The following KAZN variants were observed in gnomAD, a reference collection of about 807,000 sequenced individuals.
The protein encoded by KAZN is kazrin, periplakin interacting protein.
A neutral mutation model predicts 87.4 loss-of-function variants in KAZN; 40 were observed. The ratio of observed to expected loss-of-function variants is 0.46; its 90% CI spans 0.36 to 0.60. KAZN has a LOEUF of 0.60. Ranked by LOEUF, KAZN falls within the 20% of genes least tolerant of loss-of-function variation. The pLI, the probability that KAZN is intolerant of heterozygous loss-of-function variation, is 0.00. For synonymous variants in KAZN, 466 were observed against 458.3 expected, an observed-to-expected ratio of 1.02 and a Z score of -0.22; for missense variants, 898 against 1,073.9, an observed-to-expected ratio of 0.84 and a Z score of 2.29.
intron 1 of KAZN, among the ~76,000 whole-genome samples, chr1:14,859,225 A>AT (rs948192160): frequency 6.6e-6 from 1 of 151,804 alleles, no homozygotes; most frequent in Non-Finnish European, 1.5e-5. Context: ...AAAAAAAAAA[A>AT]GAACTGCAAT....
chr1:14,627,232 C>G (rs1182474595), intron 1 of KAZN, among the ~76,000 whole-genome samples: 2 of 151,826 alleles, frequency 1.3e-5, no homozygotes, highest in Non-Finnish European at 2.9e-5. Context: ...CATGGGATGT[C>G]AGGGGGCCAA....
At chr1:14,171,749 T>C (rs1292592191) in intron 1 of KAZN, among the ~76,000 whole-genome samples, 2 of 152,174 alleles carry the variant, frequency 1.3e-5, no homozygotes, top group Non-Finnish European at 2.9e-5. Flanking sequence ...GGTATATTTT[T>C]CTATAAAAAT....
chr1:14,308,747 G>A (rs1363224657), intron 2 of KAZN, among the ~76,000 whole-genome samples: 4 of 151,564 alleles, frequency 2.6e-5, no homozygotes, highest in South Asian at 4.2e-4. Context: ...GAACTAATAC[G>A]CATAGACTAG....
At chr1:14,451,596 G>GAC (rs1481870796) in intron 2 of KAZN, among the ~76,000 whole-genome samples, 3 of 151,856 alleles carry the variant, frequency 2.0e-5, no homozygotes, top group Non-Finnish European at 2.9e-5. Flanking sequence ...GAGAGAGAGA[G>GAC]AGAGAGAGAG....
intron 8 of KAZN, among the ~76,000 whole-genome samples, chr1:15,084,133 T>C (rs1640138061): frequency 6.6e-6 from 1 of 152,220 alleles, no homozygotes; most frequent in Admixed American, 6.5e-5. Flanking sequence ...AGGGCTGAGC[T>C]GGGGGGAAAG....
chr1:13,990,400 T>A (rs1011419332), intron 1 of KAZN, among the ~76,000 whole-genome samples: 1 of 152,186 alleles, frequency 6.6e-6, no homozygotes, highest in Non-Finnish European at 1.5e-5. Context: ...ATAAACATTA[T>A]GATGAGTGAA....
chr1:14,459,418 A>G (rs1279285877), intron 2 of KAZN, among the ~76,000 whole-genome samples: 1 of 152,104 alleles, frequency 6.6e-6, no homozygotes, highest in Non-Finnish European at 1.5e-5. Context: ...GGGAAAAAAA[A>G]AAGGCAGCTC....
At chr1:15,049,581 A>T (rs1674078949) in intron 4 of KAZN, among the ~76,000 whole-genome samples, 1 of 152,132 alleles carries the variant, frequency 6.6e-6, no homozygotes, top group African/African-American at 2.4e-5. Flanking sequence ...ATCAAGTAGG[A>T]CATTTTGCAA....
At chr1:14,424,187 A>T (rs1252982473) in intron 2 of KAZN, among the ~76,000 whole-genome samples, 6 of 152,208 alleles carry the variant, frequency 3.9e-5, no homozygotes, top group Non-Finnish European at 8.8e-5. Flanking sequence ...GAGAATGAGG[A>T]TACACACCTC....
At chr1:14,503,767 T>G (rs1021109560) in intron 2 of KAZN, among the ~76,000 whole-genome samples, 3 of 152,004 alleles carry the variant, frequency 2.0e-5, no homozygotes, top group Non-Finnish European at 2.9e-5. Context: ...AAGGCTAAGA[T>G]GTAAGCCAGA....
rs567830075 is a variant in KAZN at position 15,116,456 on chromosome 1, C to T, written c.*1821C>T. The T allele has an allele frequency of 9.8e-5, 15 of 152,320 alleles. No individual in the cohort carries two copies. The highest frequency in any genetic ancestry group is 3.4e-4 in the African/African-American group (14 of 41,572). The allele number at this position is 152,320 out of a possible 1,614,324, so 9.4% of individuals were successfully genotyped here. A position where few individuals can be genotyped will look rare whatever the true frequency, so the allele number is the denominator to read the frequency against. ...AGGTGGATGTTTGGCCTCCTAAGGG[C>T]ACACTTCTGATCCTGGGCCCCAGGT... On this transcript the variant is annotated 3_prime_UTR_variant, in exon 15 of 15. Transcript: ENST00000376030.
chr1:14,364,069 A>G (rs1277347173), intron 2 of KAZN, among the ~76,000 whole-genome samples: 1 of 150,004 alleles, frequency 6.7e-6, no homozygotes, highest in Non-Finnish European at 1.5e-5. Flanking sequence ...TTCATGTGGG[A>G]TGTGGTTTAG....
intron 2 of KAZN, among the ~76,000 whole-genome samples, chr1:14,483,158 A>C (rs1334358292): frequency 6.6e-6 from 1 of 152,206 alleles, no homozygotes; most frequent in East Asian, 1.9e-4. Flanking sequence ...TCAGGATCTC[A>C]AATCTGATTT....
At chr1:14,653,122 T>G (rs1638558649) in intron 1 of KAZN, among the ~76,000 whole-genome samples, 1 of 152,178 alleles carries the variant, frequency 6.6e-6, no homozygotes, top group Non-Finnish European at 1.5e-5. Flanking sequence ...CATAGGTGTT[T>G]GTGGTCATTT....
intron 1 of KAZN, among the ~76,000 whole-genome samples, chr1:14,831,937 G>A (rs61772312): frequency 0.051 from 7,712 of 152,224 alleles, 314 homozygotes; most frequent in Non-Finnish European, 0.071. Flanking sequence ...GCTCACACCT[G>A]TACTCGCAGC....
intron 2 of KAZN, among the ~76,000 whole-genome samples, chr1:14,477,131 G>A (rs191386676): frequency 6.6e-6 from 1 of 152,278 alleles, no homozygotes; most frequent in East Asian, 1.9e-4. Context: ...GGAACTGGTG[G>A]GAGGTCATTA....
chr1:13,927,946 A>T (rs546793244), intron 1 of KAZN, among the ~76,000 whole-genome samples: 1 of 152,170 alleles, frequency 6.6e-6, no homozygotes, highest in Non-Finnish European at 1.5e-5. Context: ...CAAAGATTCT[A>T]TGGTGGGAAC....
At chr1:15,092,205 T>G (rs1380044706) in intron 8 of KAZN, among the ~76,000 whole-genome samples, 1 of 149,734 alleles carries the variant, frequency 6.7e-6, no homozygotes, top group Non-Finnish European at 1.5e-5. Flanking sequence ...GCCTCCCGAG[T>G]AGCTGGGATT....
chr1:14,311,651 T>G (rs1655309870), intron 2 of KAZN, among the ~76,000 whole-genome samples: 1 of 152,176 alleles, frequency 6.6e-6, no homozygotes, highest in African/African-American at 2.4e-5. Flanking sequence ...CCTTCCTGAT[T>G]CTTTCTTGTA....
Sources: gnomAD v4.1 joint callset for allele counts (sites outside exome capture counted in the v4.1 genomes callset) on GRCh38, gnomAD v4.1.1 for gene constraint, MANE v1.5 for transcripts, NCBI Gene and HGNC (gene_info 2026-07-23, HGNC 2026-07-21) for gene names.